The following ANKRD11 variants were observed in gnomAD, a reference collection of about 807,000 sequenced individuals.
ANKRD11 encodes the protein ankyrin repeat domain 11, also known as ankyrin repeat domain-containing protein 11.
Under a neutral mutation model 195.7 loss-of-function variants are expected in ANKRD11, and 17 were observed. That is an observed-to-expected ratio of 0.09 (90% CI 0.06 to 0.13). ANKRD11 has a LOEUF of 0.13. Ranked by LOEUF, ANKRD11 falls within the 10% of genes least tolerant of loss-of-function variation. ANKRD11 has a pLI of 1.00. For synonymous variants in ANKRD11, 1,953 were observed against 1,528.1 expected (o/e 1.28, Z -6.49); for missense variants, 3,735 against 3,566.1 (o/e 1.05, Z -1.21).
At chr16:89,451,293 A>G (rs1467676728) in intron 1 of ANKRD11, among the ~76,000 whole-genome samples, 1 of 152,180 alleles carries the variant, frequency 6.6e-6, no homozygotes, top group Non-Finnish European at 1.5e-5. Flanking sequence ...ATGGAGACAG[A>G]TAGTAGATTA....
chr16:89,326,800 C>T (rs1216000506), intron 2 of ANKRD11, among the ~76,000 whole-genome samples: 3 of 152,144 alleles, frequency 2.0e-5, no homozygotes, highest in African/African-American at 4.8e-5. Flanking sequence ...AGTGCTTGGC[C>T]CAGAGCAGTG....
chr16:89,425,081 TAA>T (rs1269718388), intron 1 of ANKRD11, among the ~76,000 whole-genome samples: 2 of 132,018 alleles, frequency 1.5e-5, no homozygotes, highest in African/African-American at 2.8e-5. Context: ...TCAAACTATT[TAA>T]AAAAAAAAAA....
chr16:89,416,766 CA>C (rs71134221), intron 2 of ANKRD11, among the ~76,000 whole-genome samples: 7,105 of 105,900 alleles, frequency 0.067, 189 homozygotes, highest in Middle Eastern at 0.083. Flanking sequence ...TCTGTTTCTA[CA>C]AAAAAAAAAA....
intron 1 of ANKRD11, among the ~76,000 whole-genome samples, chr16:89,478,878 A>C (rs1288391014): frequency 6.6e-6 from 1 of 152,198 alleles, no homozygotes; most frequent in Non-Finnish European, 1.5e-5. Flanking sequence ...GAGGTTAAAC[A>C]TGCCTGAACT....
chr16:89,348,760 T>G (rs568993688), intron 2 of ANKRD11, among the ~76,000 whole-genome samples: 1 of 152,222 alleles, frequency 6.6e-6, no homozygotes, highest in East Asian at 1.9e-4. Context: ...TTATTGTACT[T>G]TGAATGGCTA....
intron 2 of ANKRD11, among the ~76,000 whole-genome samples, chr16:89,350,377 T>A (rs889358154): frequency 3.9e-5 from 6 of 152,152 alleles, no homozygotes; most frequent in Admixed American, 2.0e-4. Context: ...ACTACTCATA[T>A]CAGCTTGACT....
chr16:89,451,297 T>A (rs910681699), intron 1 of ANKRD11, among the ~76,000 whole-genome samples: 1 of 152,114 alleles, frequency 6.6e-6, no homozygotes, highest in Non-Finnish European at 1.5e-5. Context: ...AGACAGATAG[T>A]AGATTAGTGG....
At chr16:89,428,626 T>A (rs2042832824) in intron 1 of ANKRD11, among the ~76,000 whole-genome samples, 1 of 152,046 alleles carries the variant, frequency 6.6e-6, no homozygotes, top group Non-Finnish European at 1.5e-5. Flanking sequence ...CCAGGCATGG[T>A]GGCCCATGCC....
chr16:89,312,778 G>C (rs2036681703), intron 3 of ANKRD11, among the ~76,000 whole-genome samples: 1 of 152,210 alleles, frequency 6.6e-6, no homozygotes, highest in African/African-American at 2.4e-5. Context: ...CCCCATGCCA[G>C]ACTGGCTCGT....
Position 89,283,962 on chromosome 16 carries a change from C to G in ANKRD11, c.2580G>C (p.Ser860=). Residue 860 remains serine (S), a synonymous_variant, in exon 9 of 13, where the codon TCG becomes TCC. Coordinates refer to ENST00000301030, the MANE Select transcript of ANKRD11 (RefSeq NM_013275.6). The surrounding 1 kb of genome is among the most constrained non-coding windows in gnomAD (Gnocchi z 4.3). Reference sequence around the variant, plus strand: ...TCATGTCCCTGTAGTCTGTCACTGGCGAGTCCCAGCTGTCCTCCCCTTTGA... The same window carrying G: ...TCATGTCCCTGTAGTCTGTCACTGGGGAGTCCCAGCTGTCCTCCCCTTTGA... ...FDFKGEDSWD[S]PVTDYRDMKS... is the part of the protein sequence containing the mutation. The G allele has an allele frequency of 6.2e-7, 1 of 1,614,108 alleles. No individual in the cohort carries two copies. Among genetic ancestry groups the G allele is most frequent in the Non-Finnish European group, 8.5e-7 (1 of 1,180,024 alleles).
At chr16:89,341,709 G>T (rs781176049) in intron 2 of ANKRD11, among the ~76,000 whole-genome samples, 1 of 152,230 alleles carries the variant, frequency 6.6e-6, no homozygotes, top group East Asian at 1.9e-4. Context: ...TCTGCATAAT[G>T]ATATACCTAC....
intron 1 of ANKRD11, among the ~76,000 whole-genome samples, chr16:89,468,157 T>A (rs1429322411): frequency 6.6e-6 from 1 of 152,208 alleles, no homozygotes; most frequent in African/African-American, 2.4e-5. Flanking sequence ...AAGAAGGGTC[T>A]ATTAACTTAG....
chr16:89,468,304 C>T (rs893454098), intron 1 of ANKRD11, among the ~76,000 whole-genome samples: 3 of 152,218 alleles, frequency 2.0e-5, no homozygotes, highest in Non-Finnish European at 4.4e-5. Context: ...TTCTCACCCA[C>T]ACCTGCAACG....
chr16:89,288,031 C>T lies in ANKRD11; in HGVS notation c.744+497G>A. ...CAGGCACACCACGACCTCTCTCGAC[C>T]CCCACAGAGGCTGAGACCTCTCAGT... On this transcript the variant is annotated intron_variant, in intron 7 of 12. Transcript: ENST00000301030. The T allele has an allele frequency of 5.7e-6, 3 of 525,234 alleles. 1 individual carries two copies. In the South Asian group the frequency reaches 9.8e-5, roughly 17 times the overall value. 32.5% of individuals were successfully genotyped at this position (525,234 alleles called of 1,614,324 possible). A position where few individuals can be genotyped will look rare whatever the true frequency, so the allele number is the denominator to read the frequency against.
At position 89,281,667 on chromosome 16, in the gene ANKRD11, C is replaced by T; in HGVS notation, c.4875G>A (p.Lys1625=). The change falls in exon 9 of 13, where the codon AAG becomes AAA. Residue 1625 remains lysine, a synonymous_variant. Transcript: ENST00000301030. This position sits in a 1 kb window ranked among gnomAD's most constrained non-coding sequence, Gnocchi z 5.5. ...SGDPKLKEKA[K]PADDGRKKGL... ...CCTTCTTCCGCCCGTCGTCTGCCGGCTTCGCCTTCTCCTTGAGCTTGGGGT... is the reference window on the plus strand; with the variant it reads ...CCTTCTTCCGCCCGTCGTCTGCCGGTTTCGCCTTCTCCTTGAGCTTGGGGT... 6.2e-7 allele frequency: 1 copy of T among 1,614,186 alleles called. No homozygotes were observed. The highest frequency in any genetic ancestry group is 8.5e-7 in the Non-Finnish European group (1 of 1,180,030).
At chr16:89,384,879 C>CTTTTTGTTTTTTTTTTTTTTTTTT (rs2040833636) in intron 2 of ANKRD11, among the ~76,000 whole-genome samples, 1 of 49,910 alleles carries the variant, frequency 2.0e-5, no homozygotes, top group African/African-American at 7.9e-5. Flanking sequence ...AAATAGTTTT[C>CTTTTTGTTTTTTTTTTTTTTTTTT]TTTTTTTTTT....
At chr16:89,295,797 T>C (rs564355886) in intron 4 of ANKRD11, among the ~76,000 whole-genome samples, 13 of 135,800 alleles carry the variant, frequency 9.6e-5, no homozygotes, top group Admixed American at 9.5e-4. Flanking sequence ...GCTGTGACCT[T>C]CCCGAGGGGT....
At chr16:89,421,973 CTG>C (rs761511575) in intron 1 of ANKRD11, among the ~76,000 whole-genome samples, 3 of 152,166 alleles carry the variant, frequency 2.0e-5, no homozygotes, top group African/African-American at 7.2e-5. Flanking sequence ...TACACGCATT[CTG>C]TGTTAGGAAA....
chr16:89,446,921 C>A (rs2043819844), intron 1 of ANKRD11, among the ~76,000 whole-genome samples: 1 of 149,018 alleles, frequency 6.7e-6, no homozygotes, highest in South Asian at 2.1e-4. Flanking sequence ...CCTGCAGTTC[C>A]AGGGACAGCC....
Sources: gnomAD v4.1 joint callset for allele counts (sites outside exome capture counted in the v4.1 genomes callset) on GRCh38, gnomAD v4.1.1 for gene constraint, Gnocchi (gnomAD v3.1) non-coding constraint, MANE v1.5 for transcripts, NCBI Gene and HGNC (gene_info 2026-07-23, HGNC 2026-07-21) for gene names.